PTPRM: variants seen among roughly 807,000 people sequenced by gnomAD.
PTPRM encodes receptor-type tyrosine-protein phosphatase mu.
PTPRM carries 47 observed loss-of-function variants against 186.7 expected under a neutral mutation model. The observed-to-expected ratio is 0.25, with a 90% confidence interval of 0.20 to 0.32. The LOEUF (loss-of-function observed/expected upper bound fraction) is 0.32, where lower values mean the gene tolerates loss of function less well. Among genes scored for constraint, PTPRM ranks in the 10% least tolerant of loss-of-function variants. The pLI, the probability that PTPRM is intolerant of heterozygous loss-of-function variation, is 1.00. For missense variants in PTPRM, 1,494 were observed against 1,865.0 expected, an observed-to-expected ratio of 0.80 and a Z score of 3.66; for synonymous variants, 668 against 674.9, an observed-to-expected ratio of 0.99 and a Z score of 0.16.
chr18:8,240,836 AAG>A (rs2094426953), intron 14 of PTPRM, among the ~76,000 whole-genome samples: 2 of 85,354 alleles, frequency 2.3e-5, no homozygotes, highest in Non-Finnish European at 4.7e-5. Flanking sequence ...GAAAGAAAGA[AAG>A]AAAGAAAAGA....
At chr18:8,308,175 C>T (rs631342) in intron 20 of PTPRM, among the ~76,000 whole-genome samples, 34,066 of 152,140 alleles carry the variant, frequency 0.22, 5,561 homozygotes, top group African/African-American at 0.45. Flanking sequence ...AGTCAGGCAG[C>T]CCTCAGAAAC....
chr18:7,842,926 G>GTA (rs1410846963), intron 2 of PTPRM, among the ~76,000 whole-genome samples: 7 of 72,990 alleles, frequency 9.6e-5, no homozygotes, highest in Admixed American at 3.8e-4. Context: ...GTGTGTGTGT[G>GTA]TGTGTATATA....
intron 23 of PTPRM, among the ~76,000 whole-genome samples, chr18:8,357,666 G>A (rs1316114807): frequency 3.3e-5 from 5 of 152,168 alleles, no homozygotes; most frequent in Non-Finnish European, 2.9e-5. Context: ...CTTAGGCAAC[G>A]AAATGGCTAT....
At chr18:8,003,630 C>T (rs1346230603) in intron 7 of PTPRM, among the ~76,000 whole-genome samples, 1 of 152,128 alleles carries the variant, frequency 6.6e-6, no homozygotes, top group Admixed American at 6.5e-5. Flanking sequence ...GATTACTAGG[C>T]AAAAATAAAG....
chr18:7,703,572 G>A (rs541173324), intron 1 of PTPRM, among the ~76,000 whole-genome samples: 5 of 152,288 alleles, frequency 3.3e-5, no homozygotes, highest in Non-Finnish European at 7.4e-5. Context: ...GAGATTTTGG[G>A]TTGAGATGAT....
At chr18:7,617,438 G>GTTAATCT (rs1449392210) in intron 1 of PTPRM, among the ~76,000 whole-genome samples, 1 of 152,028 alleles carries the variant, frequency 6.6e-6, no homozygotes, top group African/African-American at 2.4e-5. Flanking sequence ...TTTCTCCTCT[G>GTTAATCT]TTAATCTGTA....
intron 10 of PTPRM, among the ~76,000 whole-genome samples, chr18:8,086,360 T>C (rs2090435102): frequency 6.6e-6 from 1 of 152,114 alleles, no homozygotes; most frequent in African/African-American, 2.4e-5. Context: ...CCTCCAGCTT[T>C]TTGCTTTTAG....
In PTPRM at chr18:7,937,514, G is replaced by A. The variant is rs2051894313; in HGVS notation, c.663+10831G>A. On this transcript the variant is annotated intron_variant, in intron 5 of 32. Coordinates refer to ENST00000580170, the MANE Select transcript of PTPRM (RefSeq NM_001105244.2). ...ACCTCTCCCAACTCGCCCTTGGCAGGCATGGAATCCAGGCCGGTAGTGTCA... is the reference window on the plus strand; with the variant it reads ...ACCTCTCCCAACTCGCCCTTGGCAGACATGGAATCCAGGCCGGTAGTGTCA... Among the ~76,000 whole-genome samples, 3 of 152,352 alleles carry A rather than the reference G, an allele frequency of 2.0e-5. No individual in the cohort carries two copies. In the South Asian group the frequency reaches 6.2e-4, roughly 32 times the overall value.
At chr18:7,644,952 G>T (rs2038527643) in intron 1 of PTPRM, among the ~76,000 whole-genome samples, 1 of 152,086 alleles carries the variant, frequency 6.6e-6, no homozygotes, top group African/African-American at 2.4e-5. Context: ...TTGAACAAAA[G>T]ACCTTCTGTG....
chr18:8,136,860 A>G (rs1158381239), intron 13 of PTPRM, among the ~76,000 whole-genome samples: 1 of 152,266 alleles, frequency 6.6e-6, no homozygotes, highest in Non-Finnish European at 1.5e-5. Context: ...GAACTGTCTC[A>G]CAATGATCTT....
In PTPRM at chr18:7,732,513, C is replaced by G. The variant is rs554589414; in HGVS notation, c.74-41636C>G. ...TGATTTTTTATTTTTAAAAATATTA[C>G]TTTTTTTAGAGACAGGGTCTTGCTC... On this transcript the variant is annotated intron_variant, in intron 1 of 32. Coordinates refer to ENST00000580170, the MANE Select transcript of PTPRM (RefSeq NM_001105244.2). 3.9e-4 allele frequency among the ~76,000 whole-genome samples: 60 copies of G among 152,066 alleles called. No homozygotes were observed. In the South Asian group the frequency reaches 5.6e-3, roughly 14 times the overall value.
chr18:7,610,875 A>T (rs972410259), intron 1 of PTPRM, among the ~76,000 whole-genome samples: 1 of 152,214 alleles, frequency 6.6e-6, no homozygotes, highest in Non-Finnish European at 1.5e-5. Flanking sequence ...AAGCAGCCTC[A>T]GGCAGGTCCT....
At chr18:7,642,848 T>TAAA (rs558868777) in intron 1 of PTPRM, among the ~76,000 whole-genome samples, 1 of 127,192 alleles carries the variant, frequency 7.9e-6, no homozygotes, top group Admixed American at 8.2e-5. Flanking sequence ...AGCCTTTACT[T>TAAA]AAAAAAAAAA....
At chr18:8,080,842 CT>C (rs2090091157) in intron 9 of PTPRM, among the ~76,000 whole-genome samples, 1 of 152,170 alleles carries the variant, frequency 6.6e-6, no homozygotes, top group Non-Finnish European at 1.5e-5. Context: ...CGCCAAGAGC[CT>C]TCTGAGCCAT....
intron 4 of PTPRM, among the ~76,000 whole-genome samples, chr18:7,916,966 C>G (rs781346680): frequency 1.3e-5 from 2 of 152,186 alleles, no homozygotes; most frequent in Non-Finnish European, 2.9e-5. Context: ...CCTTTCCTAT[C>G]CCTTAGTAAC....
At chr18:8,349,386 G>A (rs368389769) in intron 23 of PTPRM, among the ~76,000 whole-genome samples, 8 of 152,228 alleles carry the variant, frequency 5.3e-5, no homozygotes, top group South Asian at 2.1e-4. Context: ...ACAGTTTTCC[G>A]TCTTGAGCAC....
chr18:8,196,914 C>T (rs1193540515), intron 14 of PTPRM, among the ~76,000 whole-genome samples: 1 of 152,198 alleles, frequency 6.6e-6, no homozygotes, highest in Non-Finnish European at 1.5e-5. Context: ...GGGCAAACGT[C>T]TGACTTGAAG....
chr18:8,045,299 G>T (rs1008201923), intron 7 of PTPRM, among the ~76,000 whole-genome samples: 1 of 152,186 alleles, frequency 6.6e-6, no homozygotes, highest in African/African-American at 2.4e-5. Flanking sequence ...AGTCAGCTGT[G>T]ATCGCACCAC....
intron 14 of PTPRM, among the ~76,000 whole-genome samples, chr18:8,147,915 T>A (rs2092922505): frequency 6.6e-6 from 1 of 152,216 alleles, no homozygotes; most frequent in Non-Finnish European, 1.5e-5. Context: ...GTGGTTTTTG[T>A]CATTGGTTCT....
Sources: allele counts gnomAD v4.1 joint callset (sites outside exome capture counted in the v4.1 genomes callset), GRCh38; gene constraint gnomAD v4.1.1; transcripts MANE v1.5; gene names NCBI Gene and HGNC (gene_info 2026-07-23, HGNC 2026-07-21).